The following AFF3 variants were observed in gnomAD, a reference collection of about 807,000 sequenced individuals.
The protein encoded by AFF3 is AF4/FMR2 family member 3.
In AFF3, 32 loss-of-function variants were observed where a neutral mutation model predicts 129.7. That is an observed-to-expected ratio of 0.25 (90% CI 0.19 to 0.33). The LOEUF is 0.33. Among genes scored for constraint, AFF3 ranks in the 10% least tolerant of loss-of-function variants. The pLI is 1.00. For synonymous variants in AFF3, 644 were observed against 635.4 expected (o/e 1.01, Z -0.20); for missense variants, 1,373 against 1,592.0 (o/e 0.86, Z 2.34).
chr2:99,993,374 ACAAT>A (rs1287887611), intron 7 of AFF3, among the ~76,000 whole-genome samples: 3 of 152,206 alleles, frequency 2.0e-5, no homozygotes, highest in East Asian at 1.9e-4. Flanking sequence ...TTTAATTATG[ACAAT>A]CAATCTTATA....
At chr2:99,705,172 A>C (rs1677236386) in intron 11 of AFF3, among the ~76,000 whole-genome samples, 1 of 152,222 alleles carries the variant, frequency 6.6e-6, no homozygotes, top group Non-Finnish European at 1.5e-5. Context: ...GCCCAGGGGC[A>C]ACTAAACCAT....
At chr2:99,732,731 T>A (rs1262047929) in intron 10 of AFF3, among the ~76,000 whole-genome samples, 1 of 152,096 alleles carries the variant, frequency 6.6e-6, no homozygotes, top group Non-Finnish European at 1.5e-5. Flanking sequence ...ATGTTAGGAG[T>A]TCTGGGCCTT....
At chr2:99,568,329 A>T (rs1676163169) in intron 19 of AFF3, among the ~76,000 whole-genome samples, 1 of 152,366 alleles carries the variant, frequency 6.6e-6, no homozygotes, top group African/African-American at 2.4e-5. Flanking sequence ...CCAAAACAGG[A>T]GATCATCCAA....
At chr2:99,729,358 T>C (rs983143836) in intron 10 of AFF3, among the ~76,000 whole-genome samples, 3 of 152,188 alleles carry the variant, frequency 2.0e-5, no homozygotes, top group Non-Finnish European at 4.4e-5. Flanking sequence ...GCAGCACTTA[T>C]GTTGTGGCAA....
chr2:99,920,267 C>T (rs188244213), intron 7 of AFF3, among the ~76,000 whole-genome samples: 6 of 151,930 alleles, frequency 3.9e-5, no homozygotes, highest in Admixed American at 1.3e-4. Context: ...AAATTACCAA[C>T]CAAAATCCCT....
intron 16 of AFF3, 120 bp downstream of exon 16, chr2:99,587,034 A>C (rs1457028891): frequency 5.9e-6 from 8 of 1,362,666 alleles, no homozygotes; most frequent in African/African-American, 1.5e-5. Flanking sequence ...GAGGGAAGCA[A>C]GTCTGCAGAC....
chr2:99,591,015 A>AT lies in AFF3; in HGVS notation c.2466+2179dup, dbSNP rs148857646. ...CTCTGTCTCAAAAAAAAAAAAAAAAATTTTTTTTTCTTTGCATCCATACCA... is the reference window on the plus strand; with the variant it reads ...CTCTGTCTCAAAAAAAAAAAAAAAAATTTTTTTTTTCTTTGCATCCATACCA... On this transcript the variant is annotated intron_variant, in intron 15 of 24. Coordinates refer to ENST00000672756, the MANE Select transcript of AFF3 (RefSeq NM_001386135.1). 1.4e-3 allele frequency among the ~76,000 whole-genome samples: 212 copies of AT among 147,772 alleles called. 1 individual carries two copies. Among genetic ancestry groups the AT allele is most frequent in the Admixed American group, 2.1e-3 (31 of 14,816 alleles).
intron 13 of AFF3, among the ~76,000 whole-genome samples, chr2:99,641,893 T>C (rs1684234206): frequency 6.6e-6 from 1 of 152,168 alleles, no homozygotes; most frequent in Non-Finnish European, 1.5e-5. Flanking sequence ...CGTTGTGGTA[T>C]ACTCAGTATT....
At chr2:99,588,663 C>T (rs1272703104) in intron 15 of AFF3, among the ~76,000 whole-genome samples, 1 of 152,170 alleles carries the variant, frequency 6.6e-6, no homozygotes, top group African/African-American at 2.4e-5. Flanking sequence ...TTTTGCCACA[C>T]AGCCTCTGCC....
chr2:99,695,102 T>C (rs1676065270), intron 11 of AFF3, among the ~76,000 whole-genome samples: 1 of 152,216 alleles, frequency 6.6e-6, no homozygotes, highest in South Asian at 2.1e-4. Flanking sequence ...AATACTGCCA[T>C]TTAAACATAT....
In AFF3 at chr2:99,551,244, AAAG is replaced by A. The variant is rs1290213531; in HGVS notation, c.*227_*229del. 9 of 591,982 alleles carry A rather than the reference AAAG, an allele frequency of 1.5e-5. No individual in the cohort carries two copies. Among genetic ancestry groups the A allele is most frequent in the Non-Finnish European group, 2.3e-5 (8 of 340,494 alleles). The allele number at this position is 591,982 out of a possible 1,614,324, so 36.7% of individuals were successfully genotyped here. The stretch of plus-strand genomic sequence containing the variant: ...TAGCCTGGGATTATGGAAACTAGAC[AAAG>A]AAGGTGTGTTCTGAAGAGCTGTGTA... On this transcript the variant is annotated 3_prime_UTR_variant, in exon 25 of 25. Coordinates refer to ENST00000672756, the MANE Select transcript of AFF3 (RefSeq NM_001386135.1).
chr2:99,700,481 T>A (rs1676743999), intron 11 of AFF3, among the ~76,000 whole-genome samples: 1 of 152,248 alleles, frequency 6.6e-6, no homozygotes, highest in South Asian at 2.1e-4. Context: ...ATTACCTTGT[T>A]TATTTGAGGT....
At chr2:99,637,588 A>G (rs1683784135) in intron 13 of AFF3, among the ~76,000 whole-genome samples, 1 of 152,190 alleles carries the variant, frequency 6.6e-6, no homozygotes, top group Admixed American at 6.5e-5. Context: ...ATTCTAACAG[A>G]ACCGACCACC....
chr2:100,041,485 C>T lies in AFF3; in HGVS notation c.54-32553G>A, dbSNP rs541649728. The stretch of plus-strand genomic sequence containing the variant: ...TCCAATTAATCAAATAACCTCCATG[C>T]CACTTATCCTTGGAACTGGCATTAG... On this transcript the variant is annotated intron_variant, in intron 4 of 24. Coordinates refer to ENST00000672756, the MANE Select transcript of AFF3 (RefSeq NM_001386135.1). Among the ~76,000 whole-genome samples, 4 of 152,230 alleles carry T rather than the reference C, an allele frequency of 2.6e-5. No individual in the cohort carries two copies. The South Asian group carries it at 6.2e-4, about 24-fold the overall frequency.
At chr2:99,956,366 T>C (rs990792910) in intron 7 of AFF3, among the ~76,000 whole-genome samples, 3 of 152,036 alleles carry the variant, frequency 2.0e-5, no homozygotes, top group Non-Finnish European at 4.4e-5. Context: ...AATGAATATT[T>C]CCTGAAGCAG....
At chr2:99,700,328 C>A (rs1676728394) in intron 11 of AFF3, among the ~76,000 whole-genome samples, 1 of 152,198 alleles carries the variant, frequency 6.6e-6, no homozygotes, top group Non-Finnish European at 1.5e-5. Flanking sequence ...ACCATCTTGG[C>A]CAGGCTGGTC....
At chr2:99,976,474 C>G (rs1678901818) in intron 7 of AFF3, among the ~76,000 whole-genome samples, 1 of 152,222 alleles carries the variant, frequency 6.6e-6, no homozygotes, top group African/African-American at 2.4e-5. Context: ...TCAACTGGAT[C>G]TATAACTCTT....
chr2:99,950,736 C>G (rs1023385166), intron 7 of AFF3, among the ~76,000 whole-genome samples: 1 of 152,156 alleles, frequency 6.6e-6, no homozygotes, highest in Admixed American at 6.5e-5. Flanking sequence ...TACATAATTA[C>G]AATCAGACTC....
chr2:99,816,115 T>A (rs537571138), intron 8 of AFF3, among the ~76,000 whole-genome samples: 16 of 152,184 alleles, frequency 1.1e-4, no homozygotes, highest in African/African-American at 3.9e-4. Context: ...GCTCACTGAT[T>A]GTTCAATGAT....
Sources: gnomAD v4.1 joint callset for allele counts (sites outside exome capture counted in the v4.1 genomes callset) on GRCh38, gnomAD v4.1.1 for gene constraint, MANE v1.5 for transcripts, NCBI Gene and HGNC (gene_info 2026-07-23, HGNC 2026-07-21) for gene names.